The following ENTREP2 variants were observed in gnomAD, a reference collection of about 807,000 sequenced individuals.
The protein encoded by ENTREP2 is protein ENTREP2.
chr15:29,181,380 A>G, the ENTREP2 span, among the ~76,000 whole-genome samples: 12 of 152,188 alleles, frequency 7.9e-5, no homozygotes, highest in Non-Finnish European at 1.8e-4. Flanking sequence ...TCAGAGGGAA[A>G]AAGAGGGGAA....
At chr15:29,582,633 ATTTAT>A in the ENTREP2 span, among the ~76,000 whole-genome samples, 1 of 151,968 alleles carries the variant, frequency 6.6e-6, no homozygotes, top group South Asian at 2.1e-4. Flanking sequence ...ATAATCCTGA[ATTTAT>A]TTTATTTTAT....
chr15:29,332,885 C>T, the ENTREP2 span, among the ~76,000 whole-genome samples: 344 of 144,450 alleles, frequency 2.4e-3, no homozygotes, highest in East Asian at 0.018. Context: ...CTTGAACCCA[C>T]GGGGCGGAGG....
chr15:29,394,882 CTTT>C, the ENTREP2 span, among the ~76,000 whole-genome samples: 14 of 95,832 alleles, frequency 1.5e-4, no homozygotes, highest in African/African-American at 4.8e-4. Context: ...GTCAGAATCT[CTTT>C]TTTTTTTTTT....
the ENTREP2 span, among the ~76,000 whole-genome samples, chr15:29,383,696 G>A: frequency 1.3e-5 from 2 of 152,130 alleles, no homozygotes; most frequent in Non-Finnish European, 2.9e-5. Flanking sequence ...TCCACAGGGG[G>A]CAGAACCAGG....
the ENTREP2 span, among the ~76,000 whole-genome samples, chr15:29,588,887 G>C: frequency 1.3e-5 from 2 of 151,858 alleles, no homozygotes; most frequent in Admixed American, 6.6e-5. Flanking sequence ...TACTCAGGAG[G>C]ATGAAGTGAG....
At chr15:29,665,916 C>T in the ENTREP2 span, among the ~76,000 whole-genome samples, 7 of 143,520 alleles carry the variant, frequency 4.9e-5, no homozygotes, top group Admixed American at 4.4e-4. Context: ...TGCAGTGGTG[C>T]GATCTTGGCT....
chr15:29,159,216 G>A, the ENTREP2 span, among the ~76,000 whole-genome samples: 1 of 151,942 alleles, frequency 6.6e-6, no homozygotes, highest in African/African-American at 2.4e-5. Flanking sequence ...TGGCCTAGGA[G>A]TGAAACCACA....
chr15:29,622,621 G>A, the ENTREP2 span, among the ~76,000 whole-genome samples: 21,897 of 152,144 alleles, frequency 0.14, 2,013 homozygotes, highest in African/African-American at 0.25. Context: ...TCCAACAGCC[G>A]AGACCTGTTG....
At chr15:29,641,886 T>A in the ENTREP2 span, among the ~76,000 whole-genome samples, 1 of 148,666 alleles carries the variant, frequency 6.7e-6, no homozygotes. Context: ...TACGAGATCA[T>A]TAAAAGGAAT....
the ENTREP2 span, among the ~76,000 whole-genome samples, chr15:29,493,127 T>C: frequency 0.02 from 1,536 of 77,074 alleles, 156 homozygotes; most frequent in African/African-American, 0.08. Flanking sequence ...TGACAACCCT[T>C]TTTTTTTTTT....
At chr15:29,321,202 G>GA in the ENTREP2 span, among the ~76,000 whole-genome samples, 716 of 151,924 alleles carry the variant, frequency 4.7e-3, 2 homozygotes, top group African/African-American at 0.016. Flanking sequence ...AGAAACCAGA[G>GA]AAAAAAATAA....
chr15:29,422,096 T>C, the ENTREP2 span, among the ~76,000 whole-genome samples: 13 of 152,164 alleles, frequency 8.5e-5, no homozygotes, highest in African/African-American at 3.1e-4. Flanking sequence ...GGTGGAACCC[T>C]GTCTGTACTA....
the ENTREP2 span, among the ~76,000 whole-genome samples, chr15:29,611,868 T>C: frequency 1.3e-5 from 2 of 152,222 alleles, no homozygotes; most frequent in Non-Finnish European, 2.9e-5. Context: ...GCTTATTTCG[T>C]TGCCTTTAAA....
the ENTREP2 span, among the ~76,000 whole-genome samples, chr15:29,397,360 C>T: frequency 6.6e-6 from 1 of 151,990 alleles, no homozygotes; most frequent in Non-Finnish European, 1.5e-5. Flanking sequence ...CACTGCACTC[C>T]AGCCTGGGCG....
the ENTREP2 span, among the ~76,000 whole-genome samples, chr15:29,261,509 A>C: frequency 6.6e-6 from 1 of 152,366 alleles, no homozygotes; most frequent in South Asian, 2.1e-4. Flanking sequence ...GCAAACTTCT[A>C]TCTCTAAAAA....
chr15:29,121,795 A>C, the ENTREP2 span: 1 of 152,228 alleles, frequency 6.6e-6, no homozygotes, highest in East Asian at 1.9e-4. Context: ...CAGCTGAAGG[A>C]GTCCCACACC....
chr15:29,512,637 G>GGACA, the ENTREP2 span, among the ~76,000 whole-genome samples: 323 of 152,308 alleles, frequency 2.1e-3, 1 homozygote, highest in Non-Finnish European at 3.2e-3. Flanking sequence ...CACCATGCAA[G>GGACA]GACACAGCAA....
chr15:29,668,260 G>A, the ENTREP2 span, among the ~76,000 whole-genome samples: 10 of 152,142 alleles, frequency 6.6e-5, no homozygotes, highest in East Asian at 1.9e-4. Flanking sequence ...TTGCCAGTCC[G>A]GGGAAACGCA....
chr15:29,338,899 T>TTC, the ENTREP2 span, among the ~76,000 whole-genome samples: 1 of 151,814 alleles, frequency 6.6e-6, no homozygotes. Context: ...CAAATAATAC[T>TTC]CCCCACTCAG....
Sources: allele counts gnomAD v4.1 joint callset (sites outside exome capture counted in the v4.1 genomes callset), GRCh38; gene constraint gnomAD v4.1.1; transcripts MANE v1.5; gene names NCBI Gene and HGNC (gene_info 2026-07-23, HGNC 2026-07-21).